The following LAMP3 variants were observed in gnomAD, a reference collection of about 807,000 sequenced individuals.
LAMP3 encodes lysosome associated membrane protein 3, also known as lysosome-associated membrane glycoprotein 3.
LAMP3 carries 26 observed loss-of-function variants against 34.8 expected under a neutral mutation model. That is an observed-to-expected ratio of 0.75 (90% CI 0.55 to 1.04). The LOEUF (loss-of-function observed/expected upper bound fraction) is 1.04. Among genes scored for constraint, LAMP3 ranks in the 50% least tolerant of loss-of-function variants. The probability of loss-of-function intolerance (pLI) is 0.00; values close to 1 mark genes in which losing one functional copy is unlikely to be tolerated. For synonymous variants in LAMP3, 180 were observed against 201.9 expected (o/e 0.89, Z 0.92); for missense variants, 495 against 524.0 (o/e 0.94, Z 0.54).
At chr3:183,132,855 C>T in intron 5 of LAMP3, 1 of 985,412 alleles carries the variant, frequency 1.0e-6, no homozygotes, top group Non-Finnish European at 1.2e-6. Flanking sequence ...CTCTTTCTGG[C>T]CACCAGACAT....
intron 3 of LAMP3, among the ~76,000 whole-genome samples, chr3:183,142,139 T>C (rs1287918347): frequency 6.6e-6 from 1 of 152,128 alleles, no homozygotes; most frequent in East Asian, 1.9e-4. Flanking sequence ...AATATACCAT[T>C]TATTTGGGGC....
In LAMP3 at chr3:183,154,025, G is replaced by A. The variant is rs761371147; in HGVS notation, c.416C>T (p.Thr139Ile). The change falls in exon 2 of 6, where the codon ACC (threonine) becomes ATC (isoleucine). Residue 139 changes from threonine (T) to isoleucine (I), a missense_variant. Transcript: ENST00000265598. ...LAPYSLPPTITPPAHTTGTSS... is the reference protein window; with the variant it reads ...LAPYSLPPTIIPPAHTTGTSS... ...GGTTCCAGTTGTATGAGCTGGTGGG[G>A]TGATGGTGGGTGGCAGTGAATAAGG... The A allele has an allele frequency of 1.2e-6, 2 of 1,614,172 alleles. No individual in the cohort carries two copies. The highest frequency in any genetic ancestry group is 1.7e-6 in the Non-Finnish European group (2 of 1,180,034).
chr3:183,131,614 C>T (rs1719922249), intron 5 of LAMP3, among the ~76,000 whole-genome samples: 1 of 152,142 alleles, frequency 6.6e-6, no homozygotes, highest in South Asian at 2.1e-4. Context: ...GTGCCCTCCC[C>T]ACAGCCCCAA....
intron 5 of LAMP3, 83 bp from the exon 6 acceptor site, chr3:183,124,297 G>C: frequency 6.4e-6 from 8 of 1,245,272 alleles, no homozygotes; most frequent in Non-Finnish European, 8.6e-6. Context: ...AAGAAGATGA[G>C]CTTTGGCATC....
At chr3:183,125,682 G>A (rs1719762312) in intron 5 of LAMP3, among the ~76,000 whole-genome samples, 1 of 152,232 alleles carries the variant, frequency 6.6e-6, no homozygotes, top group South Asian at 2.1e-4. Context: ...GGAGGCAGAG[G>A]GACAGAGAAA....
chr3:183,159,211 A>T (rs1720906056), intron 1 of LAMP3, among the ~76,000 whole-genome samples: 1 of 152,204 alleles, frequency 6.6e-6, no homozygotes. Flanking sequence ...TCTTTATCAA[A>T]TCCCCAGATA....
intron 1 of LAMP3, among the ~76,000 whole-genome samples, chr3:183,156,628 A>C (rs1720830268): frequency 6.6e-6 from 1 of 152,214 alleles, no homozygotes; most frequent in African/African-American, 2.4e-5. Context: ...TACACTTCTA[A>C]GTGGTTACTT....
intron 5 of LAMP3, among the ~76,000 whole-genome samples, chr3:183,133,723 CAAAAG>C (rs1157311930): frequency 2.0e-5 from 3 of 152,094 alleles, no homozygotes; most frequent in African/African-American, 4.8e-5. Context: ...TAATAAACAG[CAAAAG>C]AAAAGGACAG....
intron 5 of LAMP3, 71 bp downstream of exon 5, chr3:183,135,646 C>G: frequency 2.9e-6 from 4 of 1,401,242 alleles, no homozygotes; most frequent in Non-Finnish European, 4.0e-6. Context: ...CAGCTGCAGA[C>G]AGAAAACACT....
chr3:183,133,918 C>G (rs1720002746), intron 5 of LAMP3, among the ~76,000 whole-genome samples: 1 of 152,132 alleles, frequency 6.6e-6, no homozygotes, highest in Non-Finnish European at 1.5e-5. Flanking sequence ...TAAAAATCGC[C>G]TATCACTCAA....
intron 5 of LAMP3, among the ~76,000 whole-genome samples, chr3:183,126,766 A>G (rs1719790668): frequency 6.6e-6 from 1 of 152,218 alleles, no homozygotes; most frequent in Admixed American, 6.5e-5. Flanking sequence ...TTTCTTTAGA[A>G]CTACAAGGAT....
intron 5 of LAMP3, among the ~76,000 whole-genome samples, chr3:183,133,810 T>C (rs1014675356): frequency 1.3e-5 from 2 of 152,212 alleles, no homozygotes; most frequent in East Asian, 1.9e-4. Flanking sequence ...GAGGAGATTT[T>C]AGGAGTCAGG....
At position 183,160,620 on chromosome 3, in the gene LAMP3, C is replaced by T. The variant is rs983806070; in HGVS notation, c.49+1987G>A. On this transcript the variant is annotated intron_variant, in intron 1 of 5. Coordinates refer to ENST00000265598, the MANE Select transcript of LAMP3 (RefSeq NM_014398.4). Reference sequence around the variant, plus strand: ...CCTTAACCTGCCTCTGCCTCAGTACCGCCATCTGTAAAATAGGGATAAGAA... The same window carrying T: ...CCTTAACCTGCCTCTGCCTCAGTACTGCCATCTGTAAAATAGGGATAAGAA... Among the ~76,000 whole-genome samples, 4 of 152,104 alleles carry T rather than the reference C, an allele frequency of 2.6e-5. No individual in the cohort carries two copies. In the South Asian group the frequency reaches 6.2e-4, roughly 24 times the overall value.
At position 183,122,379 on chromosome 3, in the gene LAMP3, T is replaced by C. The variant is rs942255263; in HGVS notation, c.*1702A>G. On this transcript the variant is annotated 3_prime_UTR_variant, in exon 6 of 6. Transcript: ENST00000265598. ...ATTCCTTGACTAAGAATTCTAGGGT[T>C]ATGTGGACTTTTCTGTTAACATCCT... 2.0e-5 allele frequency: 3 copies of C among 152,206 alleles called. No homozygotes were observed. The highest frequency in any genetic ancestry group is 7.2e-5 in the African/African-American group (3 of 41,446). The allele number at this position is 152,206 out of a possible 1,614,324, so 9.4% of individuals were successfully genotyped here.
At chr3:183,152,874 G>A (rs79275625) in intron 2 of LAMP3, among the ~76,000 whole-genome samples, 11,211 of 152,218 alleles carry the variant, frequency 0.074, 464 homozygotes, top group East Asian at 0.16. Context: ...ATTAAAGTTT[G>A]CAGAAAGAGA....
intron 5 of LAMP3, among the ~76,000 whole-genome samples, chr3:183,126,534 ATGTGTGTGTGTG>A (rs111747229): frequency 4.7e-5 from 7 of 149,646 alleles, no homozygotes; most frequent in African/African-American, 7.4e-5. Flanking sequence ...TCCTCTGTGA[ATGTGTGTGTGTG>A]TGTGTGTGTG....
At chr3:183,143,611 G>A (rs1337291954) in intron 3 of LAMP3, among the ~76,000 whole-genome samples, 1 of 152,038 alleles carries the variant, frequency 6.6e-6, no homozygotes, top group East Asian at 1.9e-4. Flanking sequence ...TGGGTCTCAG[G>A]GTTAATGGCG....
At chr3:183,143,576 C>T (rs75941068) in intron 3 of LAMP3, among the ~76,000 whole-genome samples, 2,353 of 152,296 alleles carry the variant, frequency 0.015, 26 homozygotes, top group Non-Finnish European at 0.021. Context: ...TTCTGACTCA[C>T]CCTTTCCATA....
chr3:183,142,517 C>T (rs945822790), intron 3 of LAMP3, among the ~76,000 whole-genome samples: 1 of 151,932 alleles, frequency 6.6e-6, no homozygotes, highest in Non-Finnish European at 1.5e-5. Flanking sequence ...ATCCTTACAA[C>T]GACCCCGAGA....
Sources: allele counts gnomAD v4.1 joint callset (sites outside exome capture counted in the v4.1 genomes callset), GRCh38; gene constraint gnomAD v4.1.1; transcripts MANE v1.5; gene names NCBI Gene and HGNC (gene_info 2026-07-23, HGNC 2026-07-21).